Variants in CSRNP3 observed in about 807,000 individuals in gnomAD.
The protein encoded by CSRNP3 is cysteine and serine rich nuclear protein 3, also known as cysteine/serine-rich nuclear protein 3.
CSRNP3 carries 12 observed loss-of-function variants against 48.0 expected under a neutral mutation model. The observed-to-expected ratio is 0.25, with a 90% CI of 0.16 to 0.41. The LOEUF (loss-of-function observed/expected upper bound fraction) is 0.41, where lower values mean the gene tolerates loss of function less well. Ranked by LOEUF, CSRNP3 falls within the 10% of genes least tolerant of loss-of-function variation. The pLI, the probability that CSRNP3 is intolerant of heterozygous loss-of-function variation, is 1.00. For missense variants in CSRNP3, 580 were observed against 724.4 expected (o/e 0.80, Z 2.29); for synonymous variants, 263 against 269.7 (o/e 0.98, Z 0.24).
At chr2:165,476,810 G>A (rs886300640) in intron 1 of CSRNP3, among the ~76,000 whole-genome samples, 1 of 152,202 alleles carries the variant, frequency 6.6e-6, no homozygotes, top group Non-Finnish European at 1.5e-5. Context: ...GTGAAGATTG[G>A]CAGGTGTACA....
At chr2:165,654,883 G>T (rs1042055923) in intron 4 of CSRNP3, among the ~76,000 whole-genome samples, 2 of 152,198 alleles carry the variant, frequency 1.3e-5, no homozygotes, top group Non-Finnish European at 2.9e-5. Context: ...GCCTGTCTTG[G>T]CCTCCCAAAG....
At chr2:165,642,876 G>T (rs1462778728) in intron 4 of CSRNP3, among the ~76,000 whole-genome samples, 1 of 152,046 alleles carries the variant, frequency 6.6e-6, no homozygotes, top group African/African-American at 2.4e-5. Flanking sequence ...TATTCTTTAT[G>T]ACTTTATTTT....
intron 4 of CSRNP3, among the ~76,000 whole-genome samples, chr2:165,621,924 A>C (rs574510245): frequency 1.6e-4 from 25 of 152,240 alleles, no homozygotes; most frequent in Admixed American, 1.6e-3. Flanking sequence ...TGTTCTTTAG[A>C]GCATTCAGCT....
chr2:165,585,236 T>A (rs1381095391), intron 3 of CSRNP3, among the ~76,000 whole-genome samples: 1 of 151,906 alleles, frequency 6.6e-6, no homozygotes, highest in Non-Finnish European at 1.5e-5. Context: ...TTAACTGAGT[T>A]CTCTTTTCTT....
At chr2:165,515,331 A>T in intron 2 of CSRNP3, among the ~76,000 whole-genome samples, 1 of 129,670 alleles carries the variant, frequency 7.7e-6, no homozygotes, top group East Asian at 2.4e-4. Context: ...CAAAAAAAAA[A>T]AAAATACATA....
intron 2 of CSRNP3, among the ~76,000 whole-genome samples, chr2:165,500,368 T>C (rs1214295932): frequency 6.7e-6 from 1 of 150,122 alleles, no homozygotes; most frequent in Non-Finnish European, 1.5e-5. Flanking sequence ...TACATACATA[T>C]ATGTATATGC....
intron 1 of CSRNP3, among the ~76,000 whole-genome samples, chr2:165,478,255 C>G (rs1683995104): frequency 6.6e-6 from 1 of 152,166 alleles, no homozygotes; most frequent in Non-Finnish European, 1.5e-5. Context: ...ACATGGTCTA[C>G]ATTTTACAAT....
In CSRNP3 at chr2:165,574,117, T is replaced by G. The variant is rs545158038; in HGVS notation, c.-23-20926T>G. ...CACTCCCCATCCTGTATTCCTGCTC[T>G]CCCGTGATTCAGGTAGCCTGGCAGA... On this transcript the variant is annotated intron_variant, in intron 3 of 6. Transcript: ENST00000651982. 1.6e-3 allele frequency: 778 copies of G among 483,820 alleles called. 10 individuals are homozygous for G. The South Asian group carries it at 0.025, about 15-fold the overall frequency. The allele number at this position is 483,820 out of a possible 1,614,324, so 30.0% of individuals were successfully genotyped here.
rs187747348 is a variant in CSRNP3, at chr2:165,526,770, A to G, written c.-24+8809A>G. 3.4e-3 allele frequency among the ~76,000 whole-genome samples: 511 copies of G among 152,322 alleles called. 1 individual carries two copies. The highest frequency in any genetic ancestry group is 5.4e-3 in the Non-Finnish European group (369 of 68,016). On this transcript the variant is annotated intron_variant, in intron 3 of 6. Transcript: ENST00000651982. ...ACTCAATGTAGGCTATCATAAATAC[A>G]TTCAACACTGATGAGGATGTGGAGA...
intron 4 of CSRNP3, among the ~76,000 whole-genome samples, chr2:165,615,789 C>T (rs544856135): frequency 6.6e-6 from 1 of 151,486 alleles, no homozygotes; most frequent in Non-Finnish European, 1.5e-5. Flanking sequence ...GGCTAAAGTG[C>T]ACTGGTGCAA....
chr2:165,542,037 G>A (rs772849049), intron 3 of CSRNP3, among the ~76,000 whole-genome samples: 2 of 152,116 alleles, frequency 1.3e-5, no homozygotes, highest in African/African-American at 2.4e-5. Flanking sequence ...GTAACTAAAT[G>A]TACTGTCACA....
At chr2:165,549,991 A>G (rs1223541275) in intron 3 of CSRNP3, among the ~76,000 whole-genome samples, 2 of 152,116 alleles carry the variant, frequency 1.3e-5, no homozygotes. Flanking sequence ...GCATTTTTTA[A>G]ATCTTTAGCA....
intron 3 of CSRNP3, 101 bp from the exon 4 acceptor site, chr2:165,594,942 G>A (rs1451025807): frequency 1.1e-6 from 1 of 941,482 alleles, no homozygotes; most frequent in Non-Finnish European, 1.6e-6. Context: ...CTATAGCTCA[G>A]CTCATGTATA....
rs371497004 is a variant in CSRNP3, at chr2:165,636,089, C to T, written c.149-21672C>T. On this transcript the variant is annotated intron_variant, in intron 4 of 6. Transcript: ENST00000651982. The stretch of plus-strand genomic sequence containing the variant: ...GCTATAACCCAGTTTCTTAAACTTA[C>T]GTAAATGAATGCTACTGTTTTAATA... 3.9e-5 allele frequency among the ~76,000 whole-genome samples: 6 copies of T among 152,090 alleles called. No individual in the cohort carries two copies. The East Asian group carries it at 5.8e-4, about 15-fold the overall frequency.
At chr2:165,474,928 C>G (rs1165320652) in intron 1 of CSRNP3, among the ~76,000 whole-genome samples, 4 of 152,132 alleles carry the variant, frequency 2.6e-5, no homozygotes, top group African/African-American at 7.2e-5. Flanking sequence ...TGCATTTCAG[C>G]TTTGTATTTT....
rs373293421 is a variant in CSRNP3 at position 165,679,294 on chromosome 2, A to C, written c.1299A>C (p.Ser433=). ...AKNASFYANS[S]TLYYQIDSHI... ...ATGCTTCTTTTTATGCCAACTCTTC[A>C]ACTCTGTATTACCAAATAGATAGCC... is the stretch of plus-strand genomic sequence containing the variant. The change falls in exon 7 of 7, where the codon TCA becomes TCC. Residue 433 remains serine, a synonymous_variant. Coordinates refer to ENST00000651982, the MANE Select transcript of CSRNP3 (RefSeq NM_001172173.2). 1.1e-5 allele frequency: 17 copies of C among 1,613,762 alleles called. No individual in the cohort carries two copies. The African/African-American group carries it at 2.3e-4, about 22-fold the overall frequency.
In CSRNP3 at chr2:165,678,847, A is replaced by C. The variant is rs1248814234; in HGVS notation, c.852A>C (p.Gln284His). ...AACTGGAGAAAAACCGAGAGCAGCA[A>C]ATCCCCACGCTGAATGGCTGCCACA... Reference protein sequence around the residue: ...KLELEKNREQQIPTLNGCHSE... With the variant: ...KLELEKNREQHIPTLNGCHSE... Residue 284 changes from glutamine (Q) to histidine (H), a missense_variant, in exon 7 of 7, where the codon CAA (glutamine) becomes CAC (histidine). By Grantham distance (24) the Gln-to-His change is conservative. Around this residue, in one of 4 missense-constraint regions of CSRNP3, gnomAD observed 369 missense variants for 380.8 expected, o/e 0.97. Transcript: ENST00000651982. 1.2e-5 allele frequency: 20 copies of C among 1,613,928 alleles called. No homozygotes were observed. Among genetic ancestry groups the C allele is most frequent in the Non-Finnish European group, 1.7e-5 (20 of 1,179,998 alleles).
chr2:165,573,286 TAAGAG>T (rs199882038), intron 3 of CSRNP3, among the ~76,000 whole-genome samples: 1,854 of 152,252 alleles, frequency 0.012, 39 homozygotes, highest in African/African-American at 0.042. Flanking sequence ...GCTTAATTTT[TAAGAG>T]AAGAGATTAT....
In CSRNP3 at chr2:165,652,641, C is replaced by T. The variant is rs113976585; in HGVS notation, c.149-5120C>T. 3.5e-3 allele frequency among the ~76,000 whole-genome samples: 532 copies of T among 152,228 alleles called. 2 individuals carry two copies. The highest frequency in any genetic ancestry group is 0.012 in the African/African-American group (489 of 41,540). On this transcript the variant is annotated intron_variant, in intron 4 of 6. Transcript: ENST00000651982. ...CCCCACAACCTCTGCCTCCTGGGCT[C>T]AAGTGATGATTGTGCCTCAGCCTCC...
Sources: allele counts gnomAD v4.1 joint callset (sites outside exome capture counted in the v4.1 genomes callset), GRCh38; gene constraint gnomAD v4.1.1; regional missense constraint gnomAD v4.1.1; transcripts MANE v1.5; gene names NCBI Gene and HGNC (gene_info 2026-07-23, HGNC 2026-07-21).